The following RDX variants were observed in gnomAD, a reference collection of about 807,000 sequenced individuals.
The protein encoded by RDX is radixin, also known as deafness, autosomal recessive 24.
Under a neutral mutation model 83.7 loss-of-function variants are expected in RDX, and 32 were observed. The ratio of observed to expected loss-of-function variants is 0.38; its 90% CI spans 0.29 to 0.51. The LOEUF (loss-of-function observed/expected upper bound fraction) is 0.51. Ranked by LOEUF, RDX falls within the 20% of genes least tolerant of loss-of-function variation. The probability of loss-of-function intolerance (pLI) is 0.87; values close to 1 mark genes in which losing one functional copy is unlikely to be tolerated. For synonymous variants in RDX, 229 were observed against 222.7 expected, an observed-to-expected ratio of 1.03 and a Z score of -0.25; for missense variants, 600 against 689.9, an observed-to-expected ratio of 0.87 and a Z score of 1.46.
At chr11:110,281,893 G>C (rs1249488532) in intron 1 of RDX, among the ~76,000 whole-genome samples, 1 of 141,508 alleles carries the variant, frequency 7.1e-6, no homozygotes, top group Non-Finnish European at 1.5e-5. Flanking sequence ...TTGAGCCCAG[G>C]AGTTTGAGAC....
chr11:110,292,220 G>A lies in RDX; in HGVS notation c.-65+4247C>T, dbSNP rs182689073. 8.6e-5 allele frequency among the ~76,000 whole-genome samples: 13 copies of A among 152,034 alleles called. No homozygotes were observed. In the East Asian group the frequency reaches 2.5e-3, roughly 29 times the overall value. Reference sequence around the variant, plus strand: ...AGGCAGGAGAATCGCTTGAACCCTGGAGGCAGAGGCTGTAGTGAGCTGAGA... The same window carrying A: ...AGGCAGGAGAATCGCTTGAACCCTGAAGGCAGAGGCTGTAGTGAGCTGAGA... On this transcript the variant is annotated intron_variant, in intron 1 of 13. Transcript: ENST00000645495.
chr11:110,179,903 C>CTTTTTTTTTTTTTTTTTTTTTTT, intron 15 of RDX: 2 of 363,750 alleles, frequency 5.5e-6, no homozygotes, highest in Middle Eastern at 8.1e-4. Context: ...TTTCTTTTTT[C>CTTTTTTTTTTTTTTTTTTTTTTT]TTTTTTTTTT....
chr11:110,281,195 C>T (rs902077258), intron 1 of RDX, among the ~76,000 whole-genome samples: 2 of 152,016 alleles, frequency 1.3e-5, no homozygotes, highest in African/African-American at 4.8e-5. Flanking sequence ...GATGCCATAA[C>T]TAATAAAAGA....
intron 1 of RDX, among the ~76,000 whole-genome samples, chr11:110,287,718 C>T (rs1331937844): frequency 6.6e-6 from 1 of 152,162 alleles, no homozygotes; most frequent in African/African-American, 2.4e-5. Flanking sequence ...GCTCACTCTC[C>T]ACTCTGCCTA....
intron 14 of RDX, among the ~76,000 whole-genome samples, chr11:110,210,820 A>C (rs543721579): frequency 6.6e-6 from 1 of 152,328 alleles, no homozygotes; most frequent in South Asian, 2.1e-4. Context: ...GGCCTGCCTT[A>C]CAAGAGCTCC....
rs1362871388 is a variant in RDX at position 110,268,878 on chromosome 11, T to C, written c.96+3658A>G. Reference sequence around the variant, plus strand: ...TCTGCTTGGGCACGTAACTATAACATAGGTATATTTATTTACAAGTTACAT... The same window carrying C: ...TCTGCTTGGGCACGTAACTATAACACAGGTATATTTATTTACAAGTTACAT... On this transcript the variant is annotated intron_variant, in intron 3 of 13. Transcript: ENST00000645495. 2.0e-5 allele frequency among the ~76,000 whole-genome samples: 3 copies of C among 151,888 alleles called. No individual in the cohort carries two copies. In the East Asian group the frequency reaches 5.8e-4, roughly 29 times the overall value.
intron 5 of RDX, among the ~76,000 whole-genome samples, chr11:110,263,013 G>A (rs1179734905): frequency 4.6e-5 from 7 of 152,170 alleles, no homozygotes; most frequent in Admixed American, 3.3e-4. Context: ...AGTGGCTCAC[G>A]CCTGTAATCC....
chr11:110,178,796 T>C (rs1030465107), intron 15 of RDX, among the ~76,000 whole-genome samples: 1 of 152,104 alleles, frequency 6.6e-6, no homozygotes, highest in African/African-American at 2.4e-5. Context: ...CAGCTCAGGA[T>C]TTGGGCCTTT....
At chr11:110,191,024 C>T (rs114819749) in intron 15 of RDX, among the ~76,000 whole-genome samples, 2,533 of 152,238 alleles carry the variant, frequency 0.017, 86 homozygotes, top group African/African-American at 0.056. Flanking sequence ...AAAGAAAAGT[C>T]AATACCAATT....
intron 5 of RDX, among the ~76,000 whole-genome samples, chr11:110,261,536 C>A (rs1859805797): frequency 6.6e-6 from 1 of 152,042 alleles, no homozygotes. Flanking sequence ...CCAGACTGTA[C>A]TTAGATACTG....
At chr11:110,188,531 G>A (rs1284286588) in intron 15 of RDX, among the ~76,000 whole-genome samples, 2 of 152,060 alleles carry the variant, frequency 1.3e-5, no homozygotes, top group East Asian at 3.9e-4. Context: ...GGGGGTGAGG[G>A]ATAAAAGACT....
rs374217847 is a variant in RDX at position 110,233,256 on chromosome 11, C to T, written c.1568G>A (p.Arg523His). ...ERVTETQKNE[R>H]VKKQLQALSS... The stretch of plus-strand genomic sequence containing the variant: ...AAATACCTGAAGTTGCTTCTTAACA[C>T]GCTCATTTTTCTGTGTTTCGGTTAC... The change falls in exon 13 of 14, where the codon CGT becomes CAT. Residue 523 changes from arginine (R) to histidine (H), a missense_variant. Transcript: ENST00000645495. 15 of 1,613,202 alleles carry T rather than the reference C, an allele frequency of 9.3e-6. No individual in the cohort carries two copies. Among genetic ancestry groups the T allele is most frequent in the African/African-American group, 5.3e-5 (4 of 74,880 alleles).
rs559249970 is a variant in RDX at position 110,212,261 on chromosome 11, T to A, written c.1749-12583A>T. On this transcript the variant is annotated intron_variant, in intron 14 of 15. Coordinates refer to the RDX transcript ENST00000528498. ...AGAAATGGATAAATTCCTGGACACA[T>A]ACATTCTCCCAAGACTAAACCAGGA... is the stretch of plus-strand genomic sequence containing the variant. Among the ~76,000 whole-genome samples the A allele has an allele frequency of 3.9e-5, 6 of 152,198 alleles. No individual in the cohort carries two copies. In the East Asian group the frequency reaches 7.7e-4, roughly 20 times the overall value.
Position 110,231,768 on chromosome 11 carries a change from T to C in RDX, c.*101A>G. 1.5e-6 allele frequency: 2 copies of C among 1,310,436 alleles called. No individual in the cohort carries two copies. The highest frequency in any genetic ancestry group is 1.2e-5 in the South Asian group (1 of 84,394). 81.2% of individuals were successfully genotyped at this position (1,310,436 alleles called of 1,614,324 possible). On this transcript the variant is annotated 3_prime_UTR_variant, in exon 14 of 14. Transcript: ENST00000645495. ...GCTAGCACAGTCAAACTGGTGTAAG[T>C]GCTTTGGCAAGGTGGGATGCATTCC...
chr11:110,233,309 T>A lies in RDX; in HGVS notation c.1515A>T (p.Val505=). The stretch of plus-strand genomic sequence containing the variant: ...GTTCTTCCTCGCTTCTATGGTTCAT[T>A]ACCCCTTCATTTGATAATTCAGCAC... ...EASAELSNEG[V]MNHRSEEERV... is the part of the protein sequence containing the mutation. The change falls in exon 13 of 14, where the codon GTA becomes GTT. Residue 505 remains valine, a synonymous_variant. Transcript: ENST00000645495. 2 of 1,614,152 alleles carry A rather than the reference T, an allele frequency of 1.2e-6. No individual in the cohort carries two copies. The highest frequency in any genetic ancestry group is 1.7e-6 in the Non-Finnish European group (2 of 1,180,022).
chr11:110,187,152 G>A (rs1045349994), intron 15 of RDX, among the ~76,000 whole-genome samples: 1 of 152,194 alleles, frequency 6.6e-6, no homozygotes, highest in Non-Finnish European at 1.5e-5. Context: ...TGGCACAGCA[G>A]GGCCCTCTCT....
intron 14 of RDX, among the ~76,000 whole-genome samples, chr11:110,210,249 T>C (rs1419018365): frequency 7.5e-6 from 1 of 133,224 alleles, no homozygotes; most frequent in Non-Finnish European, 1.6e-5. Flanking sequence ...CCATGGAAGA[T>C]GAAATGAATG....
chr11:110,265,075 CTTTTTTT>C (rs59010580), intron 3 of RDX, among the ~76,000 whole-genome samples: 1 of 110,544 alleles, frequency 9.0e-6, no homozygotes, highest in Non-Finnish European at 2.0e-5. Flanking sequence ...CTCAATTTTT[CTTTTTTT>C]TTTTTTGAAA....
At chr11:110,261,082 T>C (rs974067245) in intron 5 of RDX, among the ~76,000 whole-genome samples, 3 of 152,200 alleles carry the variant, frequency 2.0e-5, no homozygotes, top group Middle Eastern at 3.2e-3. Flanking sequence ...TTAATTACCA[T>C]CTATTCACTG....
Sources: allele counts gnomAD v4.1 joint callset (sites outside exome capture counted in the v4.1 genomes callset), GRCh38; gene constraint gnomAD v4.1.1; transcripts MANE v1.5; gene names NCBI Gene and HGNC (gene_info 2026-07-23, HGNC 2026-07-21).